Variants in STAB2 observed in about 807,000 individuals in gnomAD.
STAB2 encodes the protein stabilin 2, also known as stabilin-2.
STAB2 carries 288 observed loss-of-function variants against 338.1 expected under a neutral mutation model. The ratio of observed to expected loss-of-function variants is 0.85; its 90% CI spans 0.77 to 0.94. The LOEUF (loss-of-function observed/expected upper bound fraction) is 0.94, where lower values mean the gene tolerates loss of function less well. STAB2 is among the 40% of genes least tolerant of loss of function. The pLI is 0.00. For synonymous variants in STAB2, 1,202 were observed against 1,193.3 expected, an observed-to-expected ratio of 1.01 and a Z score of -0.15; for missense variants, 3,141 against 3,210.1, an observed-to-expected ratio of 0.98 and a Z score of 0.52.
Position 103,637,161 on chromosome 12 carries a change from C to G in STAB2, c.634C>G (p.Pro212Ala), listed in dbSNP as rs757993544. 1.9e-5 allele frequency: 30 copies of G among 1,612,708 alleles called. No homozygotes were observed. Among genetic ancestry groups the G allele is most frequent in the Non-Finnish European group, 2.5e-5 (29 of 1,179,664 alleles). ...LLCPENSRCS[P>A]STEDENKLEC... The stretch of plus-strand genomic sequence containing the variant: ...CTGCCCAGAAAATTCCAGATGTTCG[C>G]CTTCCACTGAAGATGAAAACAAACT... The change falls in exon 7 of 69, where the codon CCT becomes GCT. Residue 212 changes from proline to alanine, a missense_variant. Transcript: ENST00000388887.
chr12:103,606,054 C>CTCTTTGTTT (rs1198477175), intron 3 of STAB2, among the ~76,000 whole-genome samples: 2 of 151,916 alleles, frequency 1.3e-5, no homozygotes, highest in Non-Finnish European at 2.9e-5. Flanking sequence ...TCCTTTTGCC[C>CTCTTTGTTT]TCTTTGTTTG....
chr12:103,736,009 A>G (rs983235442), intron 52 of STAB2, among the ~76,000 whole-genome samples: 4 of 152,222 alleles, frequency 2.6e-5, no homozygotes, highest in African/African-American at 9.6e-5. Flanking sequence ...AGATCAGCCA[A>G]CTGAGAGGTT....
At chr12:103,626,678 G>C (rs1032165351) in intron 5 of STAB2, among the ~76,000 whole-genome samples, 1 of 152,210 alleles carries the variant, frequency 6.6e-6, no homozygotes, top group Non-Finnish European at 1.5e-5. Context: ...TTTCATCCAG[G>C]CATCTACTGG....
chr12:103,623,283 G>A (rs963981202), intron 5 of STAB2, among the ~76,000 whole-genome samples: 3 of 152,124 alleles, frequency 2.0e-5, no homozygotes, highest in Non-Finnish European at 2.9e-5. Flanking sequence ...GCAGAATAAC[G>A]GCTCCCTGAA....
intron 10 of STAB2, among the ~76,000 whole-genome samples, chr12:103,649,799 A>C (rs1281630952): frequency 6.6e-6 from 1 of 152,082 alleles, no homozygotes; most frequent in Non-Finnish European, 1.5e-5. Context: ...TACTCTAAGA[A>C]CTCTTAGAAT....
At chr12:103,717,315 A>ACACCTCAG (rs1272376857) in intron 43 of STAB2, among the ~76,000 whole-genome samples, 3 of 152,170 alleles carry the variant, frequency 2.0e-5, no homozygotes, top group Non-Finnish European at 2.9e-5. Flanking sequence ...TTCCATGTGC[A>ACACCTCAG]CACCTCAGTG....
chr12:103,721,936 G>T (rs1021337038), intron 44 of STAB2, among the ~76,000 whole-genome samples: 6 of 149,728 alleles, frequency 4.0e-5, no homozygotes, highest in South Asian at 2.1e-4. Context: ...GAGACATGTT[G>T]GTTCTACTCA....
intron 56 of STAB2, among the ~76,000 whole-genome samples, chr12:103,743,337 T>C (rs920753246): frequency 6.6e-6 from 1 of 152,108 alleles, no homozygotes; most frequent in Non-Finnish European, 1.5e-5. Flanking sequence ...ATTTCTAATG[T>C]CTAGGGATTT....
intron 64 of STAB2, among the ~76,000 whole-genome samples, chr12:103,758,890 C>T (rs141506724): frequency 6.6e-6 from 1 of 152,186 alleles, no homozygotes; most frequent in African/African-American, 2.4e-5. Context: ...CCTCAAGACA[C>T]CGCTGGAAAG....
Position 103,670,728 on chromosome 12 carries a change from C to T in STAB2, c.2292C>T (p.Cys764=). The T allele has an allele frequency of 6.2e-7, 1 of 1,614,128 alleles. No individual in the cohort carries two copies. The highest frequency in any genetic ancestry group is 8.5e-7 in the Non-Finnish European group (1 of 1,180,006). ...ATAGCCTCGGCGGCAACGGGACATG[C>T]ATTTGTGAGGAGGGCTTCCAAGGCT... ...CADSLGGNGT[C]ICEEGFQGSQ... Residue 764 remains cysteine (C), a synonymous_variant, in exon 22 of 69, where the codon TGC becomes TGT. Coordinates refer to ENST00000388887, the MANE Select transcript of STAB2 (RefSeq NM_017564.10).
intron 34 of STAB2, among the ~76,000 whole-genome samples, chr12:103,701,862 C>G (rs1650122): frequency 1 from 152,172 of 152,174 alleles, 76,085 homozygotes; most frequent in Middle Eastern, 1. Flanking sequence ...GCACTTAGTA[C>G]GGTCATTTTA....
At chr12:103,696,755 A>G (rs1208374629) in intron 33 of STAB2, among the ~76,000 whole-genome samples, 3 of 152,200 alleles carry the variant, frequency 2.0e-5, no homozygotes, top group African/African-American at 7.2e-5. Flanking sequence ...AGGAAAGGCC[A>G]GGGACGGGGG....
chr12:103,735,882 T>C (rs1593302436), intron 52 of STAB2, among the ~76,000 whole-genome samples: 1 of 152,152 alleles, frequency 6.6e-6, no homozygotes, highest in African/African-American at 2.4e-5. Flanking sequence ...GTGAGATACT[T>C]TCCTGAAACA....
rs374801895 is a variant in STAB2, at chr12:103,674,105, T to A, written c.2552+18T>A. 6.3e-7 allele frequency: 1 copy of A among 1,599,910 alleles called. No individual in the cohort carries two copies. The highest frequency in any genetic ancestry group is 1.7e-5 in the Admixed American group (1 of 59,728). ...ACAGCCAGGTAGGTCTGTGAGGGAA[T>A]GGCCCTTAATGACGCTGAGTCATTA... On this transcript the variant is annotated intron_variant, in intron 23 of 68. Coordinates refer to ENST00000388887, the MANE Select transcript of STAB2 (RefSeq NM_017564.10).
chr12:103,684,560 T>C (rs1877222741), intron 26 of STAB2, among the ~76,000 whole-genome samples: 1 of 152,206 alleles, frequency 6.6e-6, no homozygotes, highest in African/African-American at 2.4e-5. Flanking sequence ...TTTCATTCCA[T>C]TGCAAAGCTT....
At chr12:103,691,745 T>C (rs1225071225) in intron 30 of STAB2, among the ~76,000 whole-genome samples, 1 of 152,158 alleles carries the variant, frequency 6.6e-6, no homozygotes, top group African/African-American at 2.4e-5. Context: ...ATGTCCTATA[T>C]AAATATCTCC....
intron 67 of STAB2, chr12:103,763,235 G>T: frequency 2.3e-6 from 1 of 440,938 alleles, no homozygotes; most frequent in Non-Finnish European, 4.1e-6. Flanking sequence ...AAGAGCATGT[G>T]AACACATCCT....
At chr12:103,758,351 CTG>C (rs1380675496) in intron 64 of STAB2, 62 bp downstream of exon 64, 86 of 1,597,756 alleles carry the variant, frequency 5.4e-5, no homozygotes, top group Non-Finnish European at 7.1e-5. Flanking sequence ...CACAACAATG[CTG>C]TGTCACAAAT....
intron 17 of STAB2, 66 bp from the exon 18 acceptor site, chr12:103,662,780 G>A: frequency 6.4e-7 from 1 of 1,568,792 alleles, no homozygotes; most frequent in Non-Finnish European, 8.7e-7. Flanking sequence ...CAGTCTGCCT[G>A]AGGATCACTG....
Sources: gnomAD v4.1 joint callset for allele counts (sites outside exome capture counted in the v4.1 genomes callset) on GRCh38, gnomAD v4.1.1 for gene constraint, MANE v1.5 for transcripts, NCBI Gene and HGNC (gene_info 2026-07-23, HGNC 2026-07-21) for gene names.